CECR2: variants seen among roughly 807,000 people sequenced by gnomAD.
CECR2 encodes the protein CECR2 histone acetyl-lysine reader.
In CECR2, 30 loss-of-function variants were observed where a neutral mutation model predicts 154.5. That is an observed-to-expected ratio of 0.19 (90% CI 0.15 to 0.26). The LOEUF (loss-of-function observed/expected upper bound fraction) is 0.26. CECR2 is among the 10% of genes least tolerant of loss of function. The probability of loss-of-function intolerance (pLI) is 1.00; values close to 1 mark genes in which losing one functional copy is unlikely to be tolerated. For synonymous variants in CECR2, 725 were observed against 683.7 expected (o/e 1.06, Z -0.94); for missense variants, 1,743 against 1,829.3 (o/e 0.95, Z 0.86).
Position 17,548,201 on chromosome 22 carries a change from G to A in CECR2, c.2914G>A (p.Gly972Arg), listed in dbSNP as rs1240821807. 6.3e-7 allele frequency: 1 copy of A among 1,590,366 alleles called. No homozygotes were observed. The highest frequency in any genetic ancestry group is 8.6e-7 in the Non-Finnish European group (1 of 1,168,400). The change falls in exon 17 of 19, where the codon GGG becomes AGG. Residue 972 changes from glycine (G) to arginine (R), a missense_variant. Transcript: ENST00000262608. ...EKPPGVGTSE[G>R]VYLTQLPHPT... ...ACCACCAGGTGTTGGTACTTCAGAG[G>A]GGGTCTACCTCACACAACTACCTCA...
Position 17,398,206 on chromosome 22 carries a change from G to C in CECR2, c.126+28297G>C, listed in dbSNP as rs188769850. Among the ~76,000 whole-genome samples the C allele has an allele frequency of 2.6e-5, 4 of 151,968 alleles. No individual in the cohort carries two copies. The South Asian group carries it at 8.3e-4, about 32-fold the overall frequency. ...ATTGCATTTTGGTATAACAAAGTGG[G>C]GGGGGGTATTATAAAATATAAAATA... On this transcript the variant is annotated intron_variant, in intron 1 of 18. Coordinates refer to ENST00000262608, the MANE Select transcript of CECR2 (RefSeq NM_001290047.2).
chr22:17,534,566 G>A (rs891194632), intron 9 of CECR2, among the ~76,000 whole-genome samples: 5 of 151,732 alleles, frequency 3.3e-5, no homozygotes, highest in Admixed American at 2.0e-4. Context: ...GGAGTGCAGT[G>A]GCACAATCTC....
chr22:17,443,512 G>A (rs1443531303), intron 1 of CECR2, among the ~76,000 whole-genome samples: 1 of 152,144 alleles, frequency 6.6e-6, no homozygotes, highest in African/African-American at 2.4e-5. Flanking sequence ...ATCATATTCA[G>A]TCCCAGGAGT....
At position 17,516,934 on chromosome 22, in the gene CECR2, G is replaced by A. The variant is rs141540038; in HGVS notation, c.954+5038G>A. ...TGTTTTTTCGGGGTTTTTTTGAGAC[G>A]GAGTCTCACTCTGTCGCCCAGGCTG... On this transcript the variant is annotated intron_variant, in intron 8 of 18. Transcript: ENST00000262608. 3.8e-4 allele frequency among the ~76,000 whole-genome samples: 57 copies of A among 149,952 alleles called. 1 individual carries two copies. In the East Asian group the frequency reaches 9.1e-3, roughly 24 times the overall value.
At chr22:17,430,642 G>T (rs1028670229) in intron 1 of CECR2, among the ~76,000 whole-genome samples, 2 of 152,134 alleles carry the variant, frequency 1.3e-5, no homozygotes, top group African/African-American at 2.4e-5. Context: ...TCCTAAGCCT[G>T]ACTTGTACTC....
At chr22:17,465,656 T>C (rs976238392) in intron 1 of CECR2, among the ~76,000 whole-genome samples, 1 of 152,032 alleles carries the variant, frequency 6.6e-6, no homozygotes, top group African/African-American at 2.4e-5. Context: ...GGCTAATTTT[T>C]GTATTTTTAG....
At chr22:17,482,115 CAAAAAAAAAA>C (rs869050391) in intron 2 of CECR2, among the ~76,000 whole-genome samples, 1,938 of 76,298 alleles carry the variant, frequency 0.025, 49 homozygotes, top group African/African-American at 0.057. Flanking sequence ...ACTCTGTCTC[CAAAAAAAAAA>C]AAAAAAAAAA....
intron 1 of CECR2, among the ~76,000 whole-genome samples, chr22:17,462,281 G>A (rs187691677): frequency 6.6e-6 from 1 of 151,954 alleles, no homozygotes; most frequent in African/African-American, 2.4e-5. Flanking sequence ...GCGGGCGCCT[G>A]TAGTCCCAGG....
chr22:17,548,187 T>G lies in CECR2; in HGVS notation c.2900T>G (p.Val967Gly). 6.3e-7 allele frequency: 1 copy of G among 1,580,328 alleles called. No individual in the cohort carries two copies. Residue 967 changes from valine to glycine, a missense_variant, in exon 17 of 19, where the codon GTT (valine) becomes GGT (glycine). Around this residue, in one of 4 missense-constraint regions of CECR2, gnomAD observed 1,250 missense variants for 1,192.1 expected, o/e 1.05. Coordinates refer to ENST00000262608, the MANE Select transcript of CECR2 (RefSeq NM_001290047.2). ...GGCCTTGAAGAGAAACCACCAGGTG[T>G]TGGTACTTCAGAGGGGGTCTACCTC... is the stretch of plus-strand genomic sequence containing the variant. Reference protein sequence around the residue: ...LPGLEEKPPGVGTSEGVYLTQ... With the variant: ...LPGLEEKPPGGGTSEGVYLTQ...
At position 17,525,732 on chromosome 22, in the gene CECR2, A is replaced by T. The variant is rs80039722; in HGVS notation, c.1108+1461A>T. 4.2e-3 allele frequency among the ~76,000 whole-genome samples: 639 copies of T among 152,344 alleles called. 6 individuals are homozygous for T. The highest frequency in any genetic ancestry group is 0.015 in the African/African-American group (605 of 41,580). On this transcript the variant is annotated intron_variant, in intron 9 of 18. Coordinates refer to ENST00000262608, the MANE Select transcript of CECR2 (RefSeq NM_001290047.2). ...CAGTGCCACATTTAAATTCCTCAGG[A>T]CATAATAACTGGCTTTTATTTGTTT...
chr22:17,503,058 G>A (rs1196361721), intron 5 of CECR2, 24 bp from the exon 6 acceptor site: 1 of 1,606,790 alleles, frequency 6.2e-7, no homozygotes, highest in Non-Finnish European at 8.5e-7. Flanking sequence ...GTTTTAATTG[G>A]CACCTCTTTT....
chr22:17,462,948 A>C (rs529456974), intron 1 of CECR2, among the ~76,000 whole-genome samples: 277 of 152,306 alleles, frequency 1.8e-3, no homozygotes, highest in Non-Finnish European at 2.8e-3. Context: ...GGGCAAATAC[A>C]ATTTTGGGGA....
chr22:17,436,674 G>A (rs1344374790), intron 1 of CECR2, among the ~76,000 whole-genome samples: 1 of 152,256 alleles, frequency 6.6e-6, no homozygotes, highest in Non-Finnish European at 1.5e-5. Flanking sequence ...AGACAGGGAA[G>A]TCCTGCGGGA....
chr22:17,445,377 G>A (rs2054643225), intron 1 of CECR2, among the ~76,000 whole-genome samples: 1 of 152,002 alleles, frequency 6.6e-6, no homozygotes, highest in South Asian at 2.1e-4. Context: ...TGCCATAACA[G>A]TTTAATTGGT....
At chr22:17,428,826 G>GTGTGTGTGTGTGTGTGTGTATATA (rs369291932) in intron 1 of CECR2, among the ~76,000 whole-genome samples, 14 of 150,708 alleles carry the variant, frequency 9.3e-5, no homozygotes, top group African/African-American at 3.2e-4. Context: ...GTGTGTGTGT[G>GTGTGTGTGTGTGTGTGTGTATATA]TATATAAAGG....
intron 1 of CECR2, among the ~76,000 whole-genome samples, chr22:17,458,648 A>G (rs936805319): frequency 1.3e-5 from 2 of 152,188 alleles, no homozygotes; most frequent in African/African-American, 4.8e-5. Flanking sequence ...GTTATTTTTT[A>G]AAACAGAATG....
chr22:17,405,664 A>T (rs5746364), intron 1 of CECR2, among the ~76,000 whole-genome samples: 5,533 of 53,986 alleles, frequency 0.1, 431 homozygotes, highest in African/African-American at 0.14. Context: ...AAAAAAAAAA[A>T]AATTTTCAAT....
At chr22:17,404,434 C>T (rs1214574183) in intron 1 of CECR2, among the ~76,000 whole-genome samples, 10 of 89,020 alleles carry the variant, frequency 1.1e-4, no homozygotes, top group African/African-American at 2.6e-4. Flanking sequence ...AGTGCAGTGG[C>T]GGGATCTCGG....
chr22:17,395,836 G>T (rs569827764), intron 1 of CECR2, among the ~76,000 whole-genome samples: 2 of 151,874 alleles, frequency 1.3e-5, no homozygotes, highest in African/African-American at 4.8e-5. Flanking sequence ...GTAATAAGTT[G>T]TTTATTTTTA....
Sources: allele counts gnomAD v4.1 joint callset (sites outside exome capture counted in the v4.1 genomes callset), GRCh38; gene constraint gnomAD v4.1.1; regional missense constraint gnomAD v4.1.1; transcripts MANE v1.5; gene names NCBI Gene and HGNC (gene_info 2026-07-23, HGNC 2026-07-21).